ATG4B: variants seen among roughly 807,000 people sequenced by gnomAD.
The protein encoded by ATG4B is autophagy related 4B cysteine peptidase.
A neutral mutation model predicts 56.6 loss-of-function variants in ATG4B; 29 were observed. The observed-to-expected ratio is 0.51, with a 90% confidence interval of 0.38 to 0.70. The LOEUF (loss-of-function observed/expected upper bound fraction) is 0.70, where lower values mean the gene tolerates loss of function less well. Ranked by LOEUF, ATG4B falls within the 30% of genes least tolerant of loss-of-function variation. The probability of loss-of-function intolerance (pLI) is 0.00; values close to 1 mark genes in which losing one functional copy is unlikely to be tolerated. For synonymous variants in ATG4B, 224 were observed against 206.1 expected (o/e 1.09, Z -0.74); for missense variants, 461 against 515.5 (o/e 0.89, Z 1.02).
chr2:241,656,438 C>T (rs531123510), intron 6 of ATG4B, among the ~76,000 whole-genome samples: 3 of 152,316 alleles, frequency 2.0e-5, no homozygotes, highest in South Asian at 4.1e-4. Flanking sequence ...AGCTCCCCAG[C>T]CCCCACCACA....
intron 4 of ATG4B, 85 bp from the exon 5 acceptor site, chr2:241,654,461 G>T: frequency 6.4e-6 from 5 of 776,694 alleles, no homozygotes; most frequent in Non-Finnish European, 8.4e-6. Context: ...AAAAGGTTTG[G>T]ATGCCATCTG....
In ATG4B at chr2:241,666,712, C is replaced by A; in HGVS notation, c.606C>A (p.His202Gln). The A allele has an allele frequency of 6.2e-7, 1 of 1,612,918 alleles. No homozygotes were observed. The highest frequency in any genetic ancestry group is 8.5e-7 in the Non-Finnish European group (1 of 1,179,512). ...ATAFPADSDR[H>Q]CNGFPAGAEV... ...CGTTTCCTGCAGATTCCGACCGGCA[C>A]TGCAACGGATTCCCTGCCGGAGCTG... The change falls in exon 8 of 13, where the codon CAC (histidine) becomes CAA (glutamine). Residue 202 changes from histidine to glutamine, a missense_variant. Transcript: ENST00000404914.
At chr2:241,655,571 C>G in intron 6 of ATG4B, 1 of 566,516 alleles carries the variant, frequency 1.8e-6, no homozygotes, top group Non-Finnish European at 3.1e-6. Context: ...CACATTGGAC[C>G]CTTGTTCTTT....
At chr2:241,642,362 A>T (rs963541100) in intron 1 of ATG4B, among the ~76,000 whole-genome samples, 1 of 152,158 alleles carries the variant, frequency 6.6e-6, no homozygotes, top group African/African-American at 2.4e-5. Flanking sequence ...GGACTGAACT[A>T]CTAGCATTCT....
chr2:241,661,484 G>A (rs1278387776), intron 7 of ATG4B, among the ~76,000 whole-genome samples: 2 of 152,198 alleles, frequency 1.3e-5, no homozygotes, highest in Admixed American at 6.5e-5. Context: ...GAGTGCGCAA[G>A]GGAGGACGTC....
At chr2:241,667,249 G>A (rs1412871303) in intron 8 of ATG4B, among the ~76,000 whole-genome samples, 2 of 152,106 alleles carry the variant, frequency 1.3e-5, no homozygotes, top group African/African-American at 4.8e-5. Context: ...GGACGTGTGG[G>A]CAGGGCCTGG....
At chr2:241,648,094 A>G (rs2125119545) in intron 1 of ATG4B, among the ~76,000 whole-genome samples, 1 of 152,308 alleles carries the variant, frequency 6.6e-6, no homozygotes, top group Non-Finnish European at 1.5e-5. Context: ...AGCCTGGGCA[A>G]CAGAGTGAGA....
chr2:241,639,904 A>G (rs576217478), intron 1 of ATG4B, among the ~76,000 whole-genome samples: 1 of 152,360 alleles, frequency 6.6e-6, no homozygotes, highest in Admixed American at 6.5e-5. Context: ...GAGGTTCGCA[A>G]TCCAGTCTGT....
intron 7 of ATG4B, among the ~76,000 whole-genome samples, chr2:241,660,390 G>A (rs112166782): frequency 0.022 from 3,276 of 152,302 alleles, 131 homozygotes; most frequent in African/African-American, 0.074. Context: ...GTGACACAGC[G>A]GAGGGAGTGA....
chr2:241,652,514 AT>A (rs1234644038), intron 3 of ATG4B, among the ~76,000 whole-genome samples: 13 of 152,278 alleles, frequency 8.5e-5, no homozygotes, highest in South Asian at 8.3e-4. Context: ...CACGGAGATA[AT>A]TTTTTAAAAT....
chr2:241,655,095 T>C (rs146085946), intron 5 of ATG4B, 176 bp from the exon 6 acceptor site: 39,475 of 634,612 alleles, frequency 0.062, 2,715 homozygotes, highest in East Asian at 0.24. Flanking sequence ...GGACAGTCCC[T>C]GAGACCTTGT....
chr2:241,670,447 T>G (rs1419551469), intron 10 of ATG4B: 2 of 505,736 alleles, frequency 4.0e-6, no homozygotes, highest in East Asian at 3.5e-5. Context: ...GAACACTCGG[T>G]GAGGTTTGAG....
rs200128364 is a variant in ATG4B at position 241,671,379 on chromosome 2, G to T, written c.1082G>T (p.Cys361Phe). Residue 361 changes from cysteine to phenylalanine, a missense_variant, in exon 12 of 13, where the codon TGC becomes TTC. Cys to Phe is a radical substitution (Grantham distance 205, BLOSUM62 -2). Coordinates refer to ENST00000404914, the MANE Select transcript of ATG4B (RefSeq NM_013325.5). ...GAGCTGCAGCCTTCACATCTGGCCTGCCCCGACGTCCTGAACCTGTCCCTA... is the reference window on the plus strand; with the variant it reads ...GAGCTGCAGCCTTCACATCTGGCCTTCCCCGACGTCCTGAACCTGTCCCTA... ...LVELQPSHLA[C>F]PDVLNLSLDS... 89 of 1,613,682 alleles carry T rather than the reference G, an allele frequency of 5.5e-5. 2 individuals carry two copies. In the African/African-American group the frequency reaches 1.1e-3, roughly 20 times the overall value.
In ATG4B at chr2:241,668,537, C is replaced by G; in HGVS notation, c.812-3C>G. On this transcript the variant is annotated splice_polypyrimidine_tract_variant and splice_region_variant and intron_variant, in intron 9 of 12. Transcript: ENST00000404914. The surrounding 1 kb of genome is among the most constrained non-coding windows in gnomAD (Gnocchi z 4.2). ...CACCTGCCCACCTGCCTCATCCTCC[C>G]AGGTGAGGAGCTCATCTACCTGGAC... 6.2e-7 allele frequency: 1 copy of G among 1,608,036 alleles called. No homozygotes were observed. Among genetic ancestry groups the G allele is most frequent in the South Asian group, 1.1e-5 (1 of 90,500 alleles).
chr2:241,663,018 A>G (rs972953729), intron 7 of ATG4B, among the ~76,000 whole-genome samples: 3 of 152,152 alleles, frequency 2.0e-5, no homozygotes, highest in Admixed American at 6.5e-5. Context: ...GGTAGATCAC[A>G]TGAGGTCAGG....
chr2:241,657,238 G>A (rs1399602291), intron 6 of ATG4B, among the ~76,000 whole-genome samples: 5 of 148,850 alleles, frequency 3.4e-5, no homozygotes, highest in Non-Finnish European at 7.4e-5. Context: ...GCCTCCCAGA[G>A]TGCTGGGATT....
intron 4 of ATG4B, 103 bp from the exon 5 acceptor site, chr2:241,654,440 AAAG>A: frequency 1.7e-5 from 12 of 712,388 alleles, no homozygotes; most frequent in South Asian, 2.0e-5. Context: ...AAAAAAAAAA[AAAG>A]ATTCTGAAAA....
At chr2:241,672,118 C>T (rs1197601639) in intron 12 of ATG4B, 73 bp from the exon 13 acceptor site, 37 of 1,540,408 alleles carry the variant, frequency 2.4e-5, no homozygotes, top group East Asian at 7.3e-5. Flanking sequence ...GTCTGCCCCA[C>T]GCCAAGGGCC....
chr2:241,671,033 C>T (rs1227424197), intron 11 of ATG4B, among the ~76,000 whole-genome samples: 1 of 152,250 alleles, frequency 6.6e-6, no homozygotes, highest in Non-Finnish European at 1.5e-5. Context: ...CCAGTGTCCT[C>T]ATCCGTCTCC....
Sources: allele counts gnomAD v4.1 joint callset (sites outside exome capture counted in the v4.1 genomes callset), GRCh38; gene constraint gnomAD v4.1.1; non-coding constraint Gnocchi (gnomAD v3.1); transcripts MANE v1.5; gene names NCBI Gene and HGNC (gene_info 2026-07-23, HGNC 2026-07-21).